Variants in ZCCHC17 observed in about 807,000 individuals in gnomAD.
The protein encoded by ZCCHC17 is zinc finger CCHC-type containing 17, also known as zinc finger CCHC domain-containing protein 17.
In ZCCHC17, 18 loss-of-function variants were observed where a neutral mutation model predicts 30.6. The ratio of observed to expected loss-of-function variants is 0.59; its 90% CI spans 0.41 to 0.87. ZCCHC17 has a LOEUF of 0.87. Among genes scored for constraint, ZCCHC17 ranks in the 40% least tolerant of loss-of-function variants. The pLI is 0.00. For synonymous variants in ZCCHC17, 88 were observed against 92.4 expected (o/e 0.95, Z 0.27); for missense variants, 263 against 284.2 (o/e 0.93, Z 0.54).
intron 2 of ZCCHC17, among the ~76,000 whole-genome samples, chr1:31,313,873 T>C (rs917554470): frequency 1.8e-4 from 20 of 110,138 alleles, no homozygotes; most frequent in Non-Finnish European, 4.1e-4. Flanking sequence ...TTCTTTCTCT[T>C]TTTTTTTTTT....
chr1:31,337,337 A>G, intron 4 of ZCCHC17, 62 bp downstream of exon 4: 2 of 1,436,270 alleles, frequency 1.4e-6, no homozygotes, highest in Non-Finnish European at 1.9e-6. Context: ...GATTTTTGAT[A>G]TTTTATGATA....
chr1:31,311,195 G>T (rs1468961956), intron 2 of ZCCHC17, among the ~76,000 whole-genome samples: 34 of 152,154 alleles, frequency 2.2e-4, no homozygotes, highest in Non-Finnish European at 1.5e-5. Context: ...AGAGTCCTGG[G>T]GTTACAGGCA....
At chr1:31,307,512 T>TG (rs2148410878) in intron 1 of ZCCHC17, among the ~76,000 whole-genome samples, 1 of 149,532 alleles carries the variant, frequency 6.7e-6, no homozygotes, top group African/African-American at 2.5e-5. Flanking sequence ...CCGGTTCAAG[T>TG]GATTCTCCTG....
At chr1:31,312,952 T>C (rs764958795) in intron 2 of ZCCHC17, among the ~76,000 whole-genome samples, 56 of 151,990 alleles carry the variant, frequency 3.7e-4, no homozygotes, top group Non-Finnish European at 7.1e-4. Context: ...TTTGTACTTT[T>C]AGTAGAGACA....
At chr1:31,310,266 T>C in intron 2 of ZCCHC17, 102 bp downstream of exon 2, 1 of 1,215,726 alleles carries the variant, frequency 8.2e-7, no homozygotes, top group Non-Finnish European at 1.2e-6. Flanking sequence ...GTCTTGAGCA[T>C]TACAGCTTAA....
Position 31,346,757 on chromosome 1 carries a change from G to A in ZCCHC17, c.418+17G>A. The A allele has an allele frequency of 6.2e-7, 1 of 1,614,066 alleles. No homozygotes were observed. Among genetic ancestry groups the A allele is most frequent in the Non-Finnish European group, 8.5e-7 (1 of 1,179,990 alleles). On this transcript the variant is annotated intron_variant, in intron 6 of 7. Transcript: ENST00000344147. ...GCTGTAAAGGTAGGGTGAAGCCTCT[G>A]CCCTTTCCACGTTTCTCTCCTTGTG...
In ZCCHC17 at chr1:31,364,785, C is replaced by T. The variant is rs17495262; in HGVS notation, c.*592C>T. 0.12 allele frequency: 18,292 copies of T among 152,860 alleles called. 1,236 individuals are homozygous for T. The highest frequency in any genetic ancestry group is 0.15 in the Non-Finnish European group (9,944 of 68,310). The allele number at this position is 152,860 out of a possible 1,614,324, so 9.5% of individuals were successfully genotyped here. A position where few individuals can be genotyped will look rare whatever the true frequency, so the allele number is the denominator to read the frequency against. ...GAAAACAGTCTGCAGTGTGACTTAA[C>T]TTGTGTATTGCATTCCAGCAGACCA... On this transcript the variant is annotated 3_prime_UTR_variant, in exon 8 of 8. Coordinates refer to ENST00000344147, the MANE Select transcript of ZCCHC17 (RefSeq NM_016505.4).
chr1:31,349,519 T>G (rs1639394750), intron 7 of ZCCHC17, among the ~76,000 whole-genome samples: 1 of 151,884 alleles, frequency 6.6e-6, no homozygotes. Context: ...TTAGTAGAGA[T>G]GGGGGGTTTT....
intron 1 of ZCCHC17, among the ~76,000 whole-genome samples, chr1:31,298,477 C>T (rs1646227048): frequency 6.6e-6 from 1 of 151,928 alleles, no homozygotes; most frequent in Admixed American, 6.6e-5. Flanking sequence ...CCTCCACCTC[C>T]CAGGTTCAAG....
At chr1:31,302,608 G>A (rs1646344419) in intron 1 of ZCCHC17, among the ~76,000 whole-genome samples, 1 of 152,168 alleles carries the variant, frequency 6.6e-6, no homozygotes, top group Admixed American at 6.5e-5. Context: ...TTTTCACACT[G>A]CTCTAAAGAA....
intron 7 of ZCCHC17, among the ~76,000 whole-genome samples, chr1:31,363,357 G>C (rs1384403452): frequency 5.9e-5 from 9 of 151,960 alleles, no homozygotes; most frequent in African/African-American, 2.2e-4. Context: ...CTAATATTTT[G>C]TATTTTTAGT....
intron 7 of ZCCHC17, among the ~76,000 whole-genome samples, chr1:31,357,990 G>A (rs760154184): frequency 9.9e-5 from 15 of 152,198 alleles, no homozygotes; most frequent in Non-Finnish European, 2.1e-4. Flanking sequence ...CCGACCTCGG[G>A]TGATCCACAC....
intron 2 of ZCCHC17, among the ~76,000 whole-genome samples, chr1:31,314,038 T>C (rs1557429962): frequency 6.6e-6 from 1 of 152,164 alleles, no homozygotes; most frequent in African/African-American, 2.4e-5. Flanking sequence ...TAATTTTTTG[T>C]ATTTTTAGTA....
intron 2 of ZCCHC17, among the ~76,000 whole-genome samples, chr1:31,318,647 GGAGGAATGCCCTGTGT>G (rs1470496652): frequency 6.6e-6 from 1 of 152,154 alleles, no homozygotes; most frequent in East Asian, 1.9e-4. Flanking sequence ...AGGTATGAGG[GGAGGAATGCCCTGTGT>G]GATCCATCCC....
intron 3 of ZCCHC17, among the ~76,000 whole-genome samples, chr1:31,319,762 C>G (rs1646817869): frequency 6.6e-6 from 1 of 152,124 alleles, no homozygotes; most frequent in Non-Finnish European, 1.5e-5. Context: ...CCCAATCCTT[C>G]TGATTCCTAG....
At chr1:31,347,384 T>A (rs1020063894) in intron 6 of ZCCHC17, among the ~76,000 whole-genome samples, 1 of 152,180 alleles carries the variant, frequency 6.6e-6, no homozygotes, top group Non-Finnish European at 1.5e-5. Flanking sequence ...CCGTCTACCC[T>A]ACTGTGTGAT....
At chr1:31,352,951 G>C (rs1480399410) in intron 7 of ZCCHC17, among the ~76,000 whole-genome samples, 3 of 152,130 alleles carry the variant, frequency 2.0e-5, no homozygotes, top group African/African-American at 7.2e-5. Context: ...TTTTGAGGAA[G>C]CACTCTGTTT....
rs1646832285 is a variant in ZCCHC17, at chr1:31,320,324, G to C, written c.124+1158G>C. 2.6e-5 allele frequency among the ~76,000 whole-genome samples: 4 copies of C among 152,280 alleles called. No individual in the cohort carries two copies. In the South Asian group the frequency reaches 8.3e-4, roughly 32 times the overall value. On this transcript the variant is annotated intron_variant, in intron 3 of 7. Transcript: ENST00000344147. ...CATTCTTATGTTTTACTTGAGATAT[G>C]ATTCACATACCACACATTTCACCTG... is the stretch of plus-strand genomic sequence containing the variant.
chr1:31,302,232 A>AAAAG (rs1646331389), intron 1 of ZCCHC17, among the ~76,000 whole-genome samples: 1 of 152,110 alleles, frequency 6.6e-6, no homozygotes, highest in African/African-American at 2.4e-5. Context: ...CATCTTAAAA[A>AAAAG]AAAAGAAAAA....
Sources: gnomAD v4.1 joint callset for allele counts (sites outside exome capture counted in the v4.1 genomes callset) on GRCh38, gnomAD v4.1.1 for gene constraint, MANE v1.5 for transcripts, NCBI Gene and HGNC (gene_info 2026-07-23, HGNC 2026-07-21) for gene names.